Variants in IL1R1 observed in about 807,000 individuals in gnomAD.
IL1R1 encodes interleukin 1 receptor type 1.
Under a neutral mutation model 50.2 loss-of-function variants are expected in IL1R1, and 22 were observed. That is an observed-to-expected ratio of 0.44 (90% CI 0.31 to 0.63). The LOEUF is 0.63. Among genes scored for constraint, IL1R1 ranks in the 20% least tolerant of loss-of-function variants. The pLI, the probability that IL1R1 is intolerant of heterozygous loss-of-function variation, is 0.07. For synonymous variants in IL1R1, 251 were observed against 236.7 expected, an observed-to-expected ratio of 1.06 and a Z score of -0.55; for missense variants, 509 against 676.2, an observed-to-expected ratio of 0.75 and a Z score of 2.74.
chr2:102,116,784 G>T (rs1483461651), intron 1 of IL1R1, among the ~76,000 whole-genome samples: 1 of 152,126 alleles, frequency 6.6e-6, no homozygotes, highest in African/African-American at 2.4e-5. Flanking sequence ...TCCTTCTAGT[G>T]GGGGAAATGG....
At chr2:102,072,192 G>A (rs1299754466) in intron 1 of IL1R1, among the ~76,000 whole-genome samples, 1 of 151,916 alleles carries the variant, frequency 6.6e-6, no homozygotes, top group East Asian at 1.9e-4. Flanking sequence ...CCCGGGAGGT[G>A]GAGGTTGCAG....
chr2:102,150,026 C>T (rs1370876377), intron 1 of IL1R1, among the ~76,000 whole-genome samples: 1 of 152,148 alleles, frequency 6.6e-6, no homozygotes, highest in African/African-American at 2.4e-5. Context: ...CTGCTGTGTG[C>T]CACCTTGCCT....
chr2:102,169,609 C>T (rs1685498099), intron 7 of IL1R1, among the ~76,000 whole-genome samples: 1 of 152,222 alleles, frequency 6.6e-6, no homozygotes, highest in Non-Finnish European at 1.5e-5. Context: ...GTAATAGTAA[C>T]TGCATGACAG....
intron 1 of IL1R1, among the ~76,000 whole-genome samples, chr2:102,074,437 C>T (rs1284567875): frequency 1.2e-5 from 1 of 85,126 alleles, no homozygotes; most frequent in Non-Finnish European, 2.1e-5. Context: ...TCCATATGGT[C>T]TTTCTGCATT....
chr2:102,133,162 T>A (rs1029308076), intron 1 of IL1R1, among the ~76,000 whole-genome samples: 1 of 145,748 alleles, frequency 6.9e-6, no homozygotes, highest in African/African-American at 2.6e-5. Context: ...GAGAATGGCA[T>A]GAACCCAGGA....
chr2:102,118,216 A>C (rs1044628269), intron 1 of IL1R1, among the ~76,000 whole-genome samples: 2 of 152,144 alleles, frequency 1.3e-5, no homozygotes, highest in African/African-American at 4.8e-5. Flanking sequence ...AGTGATGTTC[A>C]AGTAACAAAG....
At position 102,077,863 on chromosome 2, in the gene IL1R1, A is replaced by G. The variant is rs1428583210; in HGVS notation, c.-84+7330A>G. Reference sequence around the variant, plus strand: ...TACACTAAAAAAAGAGAGAAATCATACAAAGTATATTCTCTGATCACAACG... The same window carrying G: ...TACACTAAAAAAAGAGAGAAATCATGCAAAGTATATTCTCTGATCACAACG... On this transcript the variant is annotated intron_variant, in intron 1 of 11. Coordinates refer to the IL1R1 transcript ENST00000409929. 2.0e-5 allele frequency among the ~76,000 whole-genome samples: 3 copies of G among 152,242 alleles called. No individual in the cohort carries two copies. In the East Asian group the frequency reaches 5.8e-4, roughly 29 times the overall value.
chr2:102,114,235 C>T (rs1264459107), intron 1 of IL1R1, among the ~76,000 whole-genome samples: 1 of 152,152 alleles, frequency 6.6e-6, no homozygotes, highest in East Asian at 1.9e-4. Flanking sequence ...AAATGAAATG[C>T]ATATCATAAT....
intron 1 of IL1R1, among the ~76,000 whole-genome samples, chr2:102,128,008 A>G (rs1241434764): frequency 6.6e-6 from 1 of 152,190 alleles, no homozygotes; most frequent in Non-Finnish European, 1.5e-5. Flanking sequence ...TCAATTCTCG[A>G]CAGTTCTTCA....
At position 102,161,840 on chromosome 2, in the gene IL1R1, T is replaced by C. The variant is rs1578005842; in HGVS notation, c.62-2934T>C. Among the ~76,000 whole-genome samples, 3 of 152,100 alleles carry C rather than the reference T, an allele frequency of 2.0e-5. No individual in the cohort carries two copies. The East Asian group carries it at 5.8e-4, about 29-fold the overall frequency. ...TCAGCCTCCCAAGTAGCTAGGATTA[T>C]GGGTGCCCACCACCACACCTGGCTG... On this transcript the variant is annotated intron_variant, in intron 3 of 11. Transcript: ENST00000410023.
At chr2:102,146,418 T>G (rs1204034623) in intron 1 of IL1R1, among the ~76,000 whole-genome samples, 1 of 152,184 alleles carries the variant, frequency 6.6e-6, no homozygotes, top group Non-Finnish European at 1.5e-5. Context: ...AAAAGCAATT[T>G]GTATTAAAAT....
intron 1 of IL1R1, among the ~76,000 whole-genome samples, chr2:102,107,247 G>A (rs1680468811): frequency 6.6e-6 from 1 of 152,012 alleles, no homozygotes. Flanking sequence ...CAACCCAAAT[G>A]TCCATCAGTG....
intron 1 of IL1R1, among the ~76,000 whole-genome samples, chr2:102,131,647 T>TAA (rs57203651): frequency 0.16 from 23,669 of 150,174 alleles, 2,021 homozygotes; most frequent in South Asian, 0.21. Flanking sequence ...ATAGAAACTA[T>TAA]AAAAAAAAAC....
At chr2:102,171,432 A>G (rs931859230) in intron 7 of IL1R1, among the ~76,000 whole-genome samples, 1 of 152,236 alleles carries the variant, frequency 6.6e-6, no homozygotes, top group Non-Finnish European at 1.5e-5. Context: ...ATAGTGAAAA[A>G]TTAGGAAATT....
chr2:102,077,103 C>T (rs1273197258), intron 1 of IL1R1, among the ~76,000 whole-genome samples: 1 of 151,908 alleles, frequency 6.6e-6, no homozygotes, highest in East Asian at 1.9e-4. Context: ...GAGAGTCTTG[C>T]TCTGTTGCCC....
intron 1 of IL1R1, among the ~76,000 whole-genome samples, chr2:102,095,486 A>AATGT (rs1416658267): frequency 5.3e-5 from 8 of 152,242 alleles, no homozygotes; most frequent in African/African-American, 1.9e-4. Context: ...GAATAAATGT[A>AATGT]ATGTATAAGG....
chr2:102,147,202 A>G (rs1002118365), intron 1 of IL1R1, among the ~76,000 whole-genome samples: 22 of 152,190 alleles, frequency 1.4e-4, no homozygotes, highest in Non-Finnish European at 2.4e-4. Context: ...AGTTGTTGCA[A>G]TTTATGGAAC....
At position 102,177,822 on chromosome 2, in the gene IL1R1, G is replaced by A. The variant is rs2110726; in HGVS notation, c.*1063G>A. ...GAACAGCTCCCTAGTGGCTTCCTCC[G>A]TCTGCAATGTCCCTTGCACAGCCCA... On this transcript the variant is annotated 3_prime_UTR_variant, in exon 12 of 12. Transcript: ENST00000410023. 0.28 allele frequency: 42,962 copies of A among 152,146 alleles called. 7,295 individuals carry two copies. Among genetic ancestry groups the A allele is most frequent in the East Asian group, 0.38 (2,001 of 5,266 alleles). The allele number at this position is 152,146 out of a possible 1,614,324, so 9.4% of individuals were successfully genotyped here. A position where few individuals can be genotyped will look rare whatever the true frequency, so the allele number is the denominator to read the frequency against.
At chr2:102,073,326 A>G (rs895536407) in intron 1 of IL1R1, among the ~76,000 whole-genome samples, 2 of 152,152 alleles carry the variant, frequency 1.3e-5, no homozygotes, top group Non-Finnish European at 2.9e-5. Context: ...AGGTGAACAA[A>G]TAAACAAACA....
Sources: gnomAD v4.1 joint callset for allele counts (sites outside exome capture counted in the v4.1 genomes callset) on GRCh38, gnomAD v4.1.1 for gene constraint, MANE v1.5 for transcripts, NCBI Gene and HGNC (gene_info 2026-07-23, HGNC 2026-07-21) for gene names.